SMYD3: variants seen among roughly 807,000 people sequenced by gnomAD.
SMYD3 encodes the protein SET and MYND domain containing 3, also known as histone-lysine N-methyltransferase SMYD3.
A neutral mutation model predicts 57.7 loss-of-function variants in SMYD3; 36 were observed. That is an observed-to-expected ratio of 0.62 (90% CI 0.48 to 0.82). The LOEUF is 0.82. Among genes scored for constraint, SMYD3 ranks in the 40% least tolerant of loss-of-function variants. The probability of loss-of-function intolerance (pLI) is 0.00; values close to 1 mark genes in which losing one functional copy is unlikely to be tolerated. For missense variants in SMYD3, 515 were observed against 538.8 expected (o/e 0.96, Z 0.44); for synonymous variants, 211 against 195.0 (o/e 1.08, Z -0.68).
At chr1:245,752,722 T>G (rs192958397) in intron 11 of SMYD3, among the ~76,000 whole-genome samples, 105 of 152,324 alleles carry the variant, frequency 6.9e-4, no homozygotes, top group African/African-American at 2.3e-3. Context: ...ATTCTGGAAT[T>G]AGAGCCACAG....
At chr1:245,993,449 T>C (rs1014451841) in intron 5 of SMYD3, among the ~76,000 whole-genome samples, 4 of 151,890 alleles carry the variant, frequency 2.6e-5, no homozygotes, top group African/African-American at 9.7e-5. Flanking sequence ...GGTTAAAAAA[T>C]AGGAGCCAAG....
intron 10 of SMYD3, among the ~76,000 whole-genome samples, chr1:245,812,743 G>C (rs866808938): frequency 7.1e-6 from 1 of 140,316 alleles, no homozygotes; most frequent in Admixed American, 7.0e-5. Context: ...GAGAGACAGA[G>C]AAACTCACTC....
chr1:246,401,170 T>C lies in SMYD3; in HGVS notation c.165-46076A>G, dbSNP rs369132377. Among the ~76,000 whole-genome samples, 127 of 152,220 alleles carry C rather than the reference T, an allele frequency of 8.3e-4. No homozygotes were observed. In the South Asian group the frequency reaches 0.026, roughly 31 times the overall value. On this transcript the variant is annotated intron_variant, in intron 1 of 11. Coordinates refer to ENST00000490107, the MANE Select transcript of SMYD3 (RefSeq NM_001167740.2). ...ATTTCTAGGTAACCAAGGAGAGTCT[T>C]TCAAATGGAAAAAAGCTGATGATAT...
At chr1:246,334,630 G>A (rs1227160672) in intron 3 of SMYD3, among the ~76,000 whole-genome samples, 2 of 152,178 alleles carry the variant, frequency 1.3e-5, no homozygotes, top group Non-Finnish European at 2.9e-5. Flanking sequence ...CACTACCTCG[G>A]TGATGGGATC....
intron 9 of SMYD3, among the ~76,000 whole-genome samples, chr1:245,859,664 G>A (rs574447119): frequency 6.6e-6 from 1 of 152,316 alleles, no homozygotes; most frequent in East Asian, 1.9e-4. Flanking sequence ...GGAGACCAAG[G>A]AGGGTGCAGG....
chr1:246,059,042 A>AC (rs2060205176), intron 5 of SMYD3, among the ~76,000 whole-genome samples: 1 of 151,808 alleles, frequency 6.6e-6, no homozygotes, highest in South Asian at 2.1e-4. Flanking sequence ...GCCCGGCTAA[A>AC]TTTTTTTGTA....
intron 3 of SMYD3, among the ~76,000 whole-genome samples, chr1:246,332,836 A>T (rs2065482568): frequency 1.3e-5 from 2 of 152,208 alleles, no homozygotes; most frequent in South Asian, 4.1e-4. Context: ...TAAATCTAAA[A>T]AAGTGCAAGG....
intron 5 of SMYD3, among the ~76,000 whole-genome samples, chr1:246,323,674 CT>C (rs775915784): frequency 2.6e-4 from 39 of 152,282 alleles, no homozygotes; most frequent in Non-Finnish European, 5.4e-4. Flanking sequence ...TTTTGACCTG[CT>C]GAAGTTTTCT....
chr1:246,215,452 C>G (rs1322945394), intron 5 of SMYD3, among the ~76,000 whole-genome samples: 1 of 151,918 alleles, frequency 6.6e-6, no homozygotes, highest in Non-Finnish European at 1.5e-5. Context: ...TCAAAGACAC[C>G]ATTTTTTTTT....
In SMYD3 at chr1:246,262,085, T is replaced by C. The variant is rs75046747; in HGVS notation, c.531+65116A>G. Among the ~76,000 whole-genome samples, 1,114 of 152,356 alleles carry C rather than the reference T, an allele frequency of 7.3e-3. 15 individuals are homozygous for C. The highest frequency in any genetic ancestry group is 0.025 in the African/African-American group (1,025 of 41,592). On this transcript the variant is annotated intron_variant, in intron 5 of 11. Coordinates refer to ENST00000490107, the MANE Select transcript of SMYD3 (RefSeq NM_001167740.2). ...AGAGGGCAACTAATTTTAAAAAGTA[T>C]TTGACAGTATTAAGCAATAACTTTG...
chr1:246,233,087 AGAG>A (rs1268976655), intron 5 of SMYD3, among the ~76,000 whole-genome samples: 17 of 132,002 alleles, frequency 1.3e-4, no homozygotes, highest in Non-Finnish European at 3.2e-5. Context: ...TATACCACAC[AGAG>A]GAGAAGCACT....
intron 8 of SMYD3, among the ~76,000 whole-genome samples, chr1:245,906,619 G>A (rs1461398469): frequency 6.6e-6 from 1 of 152,198 alleles, no homozygotes; most frequent in Non-Finnish European, 1.5e-5. Flanking sequence ...ACTACCATAG[G>A]ATCCAGCAAT....
chr1:246,144,144 C>T (rs775114801), intron 5 of SMYD3, among the ~76,000 whole-genome samples: 37 of 152,282 alleles, frequency 2.4e-4, no homozygotes, highest in Non-Finnish European at 3.5e-4. Context: ...CAAGAGCTGA[C>T]GGATACACCC....
At chr1:246,073,738 C>T (rs2060497197) in intron 5 of SMYD3, among the ~76,000 whole-genome samples, 1 of 151,962 alleles carries the variant, frequency 6.6e-6, no homozygotes, top group Non-Finnish European at 1.5e-5. Context: ...ATAAATAAAA[C>T]TAGACTTTAG....
At chr1:245,889,397 T>C (rs1408989766) in intron 8 of SMYD3, among the ~76,000 whole-genome samples, 1 of 152,168 alleles carries the variant, frequency 6.6e-6, no homozygotes, top group African/African-American at 2.4e-5. Flanking sequence ...CTACATGTTT[T>C]AATCAGAGCC....
chr1:245,897,524 G>T (rs1223005382), intron 8 of SMYD3, among the ~76,000 whole-genome samples: 1 of 152,162 alleles, frequency 6.6e-6, no homozygotes, highest in African/African-American at 2.4e-5. Context: ...TGTATTCTTG[G>T]AAAGAAACAA....
At chr1:245,816,420 C>T (rs757292679) in intron 10 of SMYD3, among the ~76,000 whole-genome samples, 8 of 148,092 alleles carry the variant, frequency 5.4e-5, no homozygotes, top group Non-Finnish European at 7.4e-5. Flanking sequence ...CAGAATAGGA[C>T]GACTGGAACA....
intron 7 of SMYD3, among the ~76,000 whole-genome samples, chr1:245,916,558 G>A (rs2147780398): frequency 6.6e-6 from 1 of 152,042 alleles, no homozygotes; most frequent in Admixed American, 6.5e-5. Context: ...AGTCATCCTT[G>A]ACTTCACTCT....
At chr1:246,044,850 C>G (rs1389002138) in intron 5 of SMYD3, among the ~76,000 whole-genome samples, 2 of 152,190 alleles carry the variant, frequency 1.3e-5, no homozygotes, top group African/African-American at 4.8e-5. Context: ...ACAAACTGGA[C>G]TAGGATAACC....
Sources: gnomAD v4.1 joint callset for allele counts (sites outside exome capture counted in the v4.1 genomes callset) on GRCh38, gnomAD v4.1.1 for gene constraint, MANE v1.5 for transcripts, NCBI Gene and HGNC (gene_info 2026-07-23, HGNC 2026-07-21) for gene names.